CACNA2D3: variants seen among roughly 807,000 people sequenced by gnomAD.
CACNA2D3 encodes the protein calcium voltage-gated channel auxiliary subunit alpha2delta 3, also known as voltage-dependent calcium channel subunit alpha-2/delta-3.
CACNA2D3 carries 60 observed loss-of-function variants against 160.6 expected under a neutral mutation model. The ratio of observed to expected loss-of-function variants is 0.37; its 90% CI spans 0.30 to 0.46. The LOEUF (loss-of-function observed/expected upper bound fraction) is 0.46. Ranked by LOEUF, CACNA2D3 falls within the 20% of genes least tolerant of loss-of-function variation. The pLI is 1.00. For synonymous variants in CACNA2D3, 558 were observed against 492.9 expected, an observed-to-expected ratio of 1.13 and a Z score of -1.75; for missense variants, 1,205 against 1,365.0, an observed-to-expected ratio of 0.88 and a Z score of 1.85.
intron 2 of CACNA2D3, among the ~76,000 whole-genome samples, chr3:54,165,028 A>T (rs1473871058): frequency 6.6e-6 from 1 of 152,008 alleles, no homozygotes; most frequent in East Asian, 1.9e-4. Flanking sequence ...AAAGAGAAGC[A>T]GCCAGAAAAG....
chr3:54,171,934 A>T (rs149976154), intron 2 of CACNA2D3, among the ~76,000 whole-genome samples: 1 of 152,166 alleles, frequency 6.6e-6, no homozygotes, highest in African/African-American at 2.4e-5. Context: ...TCTTTCCTCA[A>T]CTGGAGCCTA....
At chr3:54,806,700 CTACTT>C (rs1367560708) in intron 13 of CACNA2D3, among the ~76,000 whole-genome samples, 1 of 152,096 alleles carries the variant, frequency 6.6e-6, no homozygotes, top group African/African-American at 2.4e-5. Flanking sequence ...TTGGAAAAAA[CTACTT>C]TAAAGTTCAT....
intron 3 of CACNA2D3, among the ~76,000 whole-genome samples, chr3:54,383,226 A>G (rs1216894624): frequency 6.6e-6 from 1 of 152,220 alleles, no homozygotes; most frequent in Non-Finnish European, 1.5e-5. Context: ...TTCAGAGGAA[A>G]GATTACTGTC....
At chr3:54,991,580 C>T (rs1272037896) in intron 31 of CACNA2D3, among the ~76,000 whole-genome samples, 1 of 149,818 alleles carries the variant, frequency 6.7e-6, no homozygotes, top group East Asian at 1.9e-4. Context: ...AATTTGTTTA[C>T]CCCTGGTAAT....
chr3:54,687,130 T>TTCTTTTTC (rs1559549398), intron 11 of CACNA2D3, among the ~76,000 whole-genome samples: 1 of 50,782 alleles, frequency 2.0e-5, no homozygotes, highest in African/African-American at 8.0e-5. Context: ...TCTTTTTTTT[T>TTCTTTTTC]TTTTGTTTTT....
intron 5 of CACNA2D3, among the ~76,000 whole-genome samples, chr3:54,544,144 A>G (rs1190162455): frequency 6.6e-6 from 1 of 152,168 alleles, no homozygotes; most frequent in East Asian, 1.9e-4. Context: ...ACTATGTTTT[A>G]TCTATAATTC....
At chr3:54,664,576 A>T (rs1179607198) in intron 11 of CACNA2D3, among the ~76,000 whole-genome samples, 1 of 152,206 alleles carries the variant, frequency 6.6e-6, no homozygotes, top group Non-Finnish European at 1.5e-5. Flanking sequence ...TTAACTGCAA[A>T]TGAAACCGCC....
intron 2 of CACNA2D3, among the ~76,000 whole-genome samples, chr3:54,206,182 C>T (rs1350148543): frequency 2.6e-5 from 4 of 152,112 alleles, no homozygotes; most frequent in Non-Finnish European, 4.4e-5. Flanking sequence ...TCTCTTTTCG[C>T]ATTTCTAGAA....
intron 11 of CACNA2D3, among the ~76,000 whole-genome samples, chr3:54,736,946 CA>C (rs2107030937): frequency 6.6e-6 from 1 of 152,220 alleles, no homozygotes; most frequent in South Asian, 2.1e-4. Context: ...TGTATGGTAC[CA>C]GGTTTGGGGC....
chr3:54,906,464 C>T (rs943999265), intron 27 of CACNA2D3, among the ~76,000 whole-genome samples: 1 of 152,140 alleles, frequency 6.6e-6, no homozygotes, highest in Non-Finnish European at 1.5e-5. Context: ...AATCATGAGA[C>T]GCAGTCTGCA....
intron 29 of CACNA2D3, among the ~76,000 whole-genome samples, 183 bp downstream of exon 29, chr3:54,970,027 A>G (rs1326240832): frequency 6.6e-6 from 1 of 151,718 alleles, no homozygotes; most frequent in Non-Finnish European, 1.5e-5. Flanking sequence ...CCCACCTCCC[A>G]TCAGTTTATG....
intron 32 of CACNA2D3, among the ~76,000 whole-genome samples, chr3:55,005,747 C>T (rs9875831): frequency 0.042 from 6,464 of 152,112 alleles, 472 homozygotes; most frequent in African/African-American, 0.15. Flanking sequence ...TAAATTTGGC[C>T]AGCAATACCT....
At chr3:54,127,983 G>A (rs1012421738) in intron 2 of CACNA2D3, among the ~76,000 whole-genome samples, 3 of 146,500 alleles carry the variant, frequency 2.0e-5, no homozygotes, top group African/African-American at 7.6e-5. Context: ...TTTCTACTTT[G>A]CCTTTTCTCC....
At chr3:54,777,605 G>A (rs908760975) in intron 13 of CACNA2D3, among the ~76,000 whole-genome samples, 2 of 152,154 alleles carry the variant, frequency 1.3e-5, no homozygotes, top group Admixed American at 6.5e-5. Context: ...TATTAAACAC[G>A]CTTGTCATTG....
At chr3:54,361,143 A>G (rs1026051222) in intron 3 of CACNA2D3, among the ~76,000 whole-genome samples, 3 of 151,996 alleles carry the variant, frequency 2.0e-5, no homozygotes, top group African/African-American at 4.8e-5. Context: ...AATGTTTACC[A>G]TAATCATGAG....
At chr3:54,748,640 G>A (rs1435984141) in intron 11 of CACNA2D3, among the ~76,000 whole-genome samples, 1 of 151,936 alleles carries the variant, frequency 6.6e-6, no homozygotes, top group African/African-American at 2.4e-5. Context: ...TGCAGATGAT[G>A]AGCATGAAAG....
intron 24 of CACNA2D3, 149 bp downstream of exon 24, chr3:54,888,201 C>T (rs1300709328): frequency 6.3e-6 from 4 of 632,262 alleles, no homozygotes; most frequent in African/African-American, 1.8e-5. Context: ...AGAGCTAGAG[C>T]AGATTAGCGG....
chr3:54,184,609 A>G (rs1238143385), intron 2 of CACNA2D3, among the ~76,000 whole-genome samples: 1 of 152,214 alleles, frequency 6.6e-6, no homozygotes, highest in Non-Finnish European at 1.5e-5. Flanking sequence ...GCTGGCTGAC[A>G]TGTGAAATGG....
chr3:54,421,688 T>A (rs1699838696), intron 4 of CACNA2D3, among the ~76,000 whole-genome samples: 1 of 152,156 alleles, frequency 6.6e-6, no homozygotes, highest in African/African-American at 2.4e-5. Context: ...TGCACGGTTA[T>A]CATGTTGAGG....
Sources: gnomAD v4.1 joint callset for allele counts (sites outside exome capture counted in the v4.1 genomes callset) on GRCh38, gnomAD v4.1.1 for gene constraint, MANE v1.5 for transcripts, NCBI Gene and HGNC (gene_info 2026-07-23, HGNC 2026-07-21) for gene names.